The following D2HGDH variants were observed in gnomAD, a reference collection of about 807,000 sequenced individuals.
The protein encoded by D2HGDH is D-2-hydroxyglutarate dehydrogenase.
Under a neutral mutation model 46.9 loss-of-function variants are expected in D2HGDH, and 31 were observed. The observed-to-expected ratio is 0.66, with a 90% CI of 0.50 to 0.89. The LOEUF (loss-of-function observed/expected upper bound fraction) is 0.89. Among genes scored for constraint, D2HGDH ranks in the 40% least tolerant of loss-of-function variants. The pLI, the probability that D2HGDH is intolerant of heterozygous loss-of-function variation, is 0.00. For missense variants in D2HGDH, 698 were observed against 720.8 expected (o/e 0.97, Z 0.36); for synonymous variants, 364 against 332.6 (o/e 1.09, Z -1.03).
chr2:241,756,623 G>A (rs1698211612), intron 9 of D2HGDH, among the ~76,000 whole-genome samples: 1 of 152,210 alleles, frequency 6.6e-6, no homozygotes, highest in Non-Finnish European at 1.5e-5. Context: ...CTGGGTTCAA[G>A]CAATTCTCCT....
At chr2:241,748,062 C>A (rs1260768061) in intron 6 of D2HGDH, among the ~76,000 whole-genome samples, 1 of 152,188 alleles carries the variant, frequency 6.6e-6, no homozygotes, top group African/African-American at 2.4e-5. Flanking sequence ...ACAGCGTTGA[C>A]TTGGTGCTAC....
chr2:241,742,404 A>G lies in D2HGDH; in HGVS notation c.351-31A>G. On this transcript the variant is annotated intron_variant, in intron 3 of 9. Coordinates refer to ENST00000321264, the MANE Select transcript of D2HGDH (RefSeq NM_152783.5). The surrounding 1 kb of genome is among the most constrained non-coding windows in gnomAD (Gnocchi z 4.8). ...GATGGTGGCGTAGGGGTGGGGACAG[A>G]GCCCCAACGTCCCTCCTGTCCTCAT... 6.3e-7 allele frequency: 1 copy of G among 1,584,286 alleles called. No homozygotes were observed. Among genetic ancestry groups the G allele is most frequent in the East Asian group, 2.3e-5 (1 of 43,450 alleles).
rs1371874668 is a variant in D2HGDH at position 241,742,992 on chromosome 2, G to A, written c.490+418G>A. 1.1e-5 allele frequency among the ~76,000 whole-genome samples: 1 copy of A among 90,122 alleles called. No homozygotes were observed. Among genetic ancestry groups the A allele is most frequent in the Non-Finnish European group, 2.0e-5 (1 of 49,636 alleles). 59.1% of individuals were successfully genotyped at this position (90,122 alleles called of 152,430 possible). Reference sequence around the variant, plus strand: ...TCCTGACCCAGGGCGCCAGAGCGTGGCAGGCATGAGGGGATCCTGACCCAG... The same window carrying A: ...TCCTGACCCAGGGCGCCAGAGCGTGACAGGCATGAGGGGATCCTGACCCAG... On this transcript the variant is annotated intron_variant, in intron 4 of 9. Transcript: ENST00000321264. This position sits in a 1 kb window ranked among gnomAD's most constrained non-coding sequence, Gnocchi z 4.8.
At chr2:241,764,514 A>G (rs1699105585) in intron 9 of D2HGDH, among the ~76,000 whole-genome samples, 1 of 152,178 alleles carries the variant, frequency 6.6e-6, no homozygotes, top group African/African-American at 2.4e-5. Flanking sequence ...TCCAGGTGGC[A>G]TCTCGGAGGA....
intron 6 of D2HGDH, chr2:241,748,685 C>G (rs1696508571): frequency 2.3e-6 from 1 of 442,414 alleles, no homozygotes; most frequent in Non-Finnish European, 3.3e-6. Flanking sequence ...CCCACACCGC[C>G]TCCTCCCCGC....
chr2:241,754,124 A>C lies in D2HGDH; in HGVS notation c.1141-1725A>C, dbSNP rs549413650. On this transcript the variant is annotated intron_variant, in intron 8 of 9. Coordinates refer to ENST00000321264, the MANE Select transcript of D2HGDH (RefSeq NM_152783.5). ...TGTGGAGCTGAGTGACTGAGGCGTG[A>C]GCAGACAAGGGTAGAGCCCATCTTG... 1.2e-3 allele frequency among the ~76,000 whole-genome samples: 189 copies of C among 152,336 alleles called. 1 individual carries two copies. The highest frequency in any genetic ancestry group is 4.1e-4 in the Non-Finnish European group (28 of 68,022).
Position 241,750,186 on chromosome 2 carries a change from A to C in D2HGDH, c.889A>C (p.Ser297Arg). The C allele has an allele frequency of 6.2e-7, 1 of 1,614,088 alleles. No homozygotes were observed. Among genetic ancestry groups the C allele is most frequent in the East Asian group, 2.2e-5 (1 of 44,886 alleles). ...PGFAEVLQTF[S>R]TCKGMLGEIL... is the part of the protein sequence containing the mutation. ...CTTTGCTGAGGTTCTGCAGACCTTC[A>C]GCACCTGCAAGGGGATGCTGGGTGA... The change falls in exon 7 of 10, where the codon AGC becomes CGC. Residue 297 changes from serine (S) to arginine (R), a missense_variant. Ser to Arg is a moderately radical substitution (Grantham distance 110). Transcript: ENST00000321264.
intron 9 of D2HGDH, 27 bp downstream of exon 9, chr2:241,756,041 C>T (rs749375897): frequency 6.3e-7 from 1 of 1,583,984 alleles, no homozygotes; most frequent in Non-Finnish European, 8.6e-7. Flanking sequence ...GGCCGCGGCC[C>T]TGTGTGTGCT....
At position 241,750,160 on chromosome 2, in the gene D2HGDH, G is replaced by A; in HGVS notation, c.863G>A (p.Gly288Asp). Residue 288 changes from glycine to aspartate, a missense_variant, in exon 7 of 10, where the codon GGC (glycine) becomes GAC (aspartate). Transcript: ENST00000321264. Reference sequence around the variant, plus strand: ...CTGTGACCCGTTTCAGGCTGCCCAGGCTTTGCTGAGGTTCTGCAGACCTTC... The same window carrying A: ...CTGTGACCCGTTTCAGGCTGCCCAGACTTTGCTGAGGTTCTGCAGACCTTC... ...AVNVAFLGCP[G>D]FAEVLQTFST... The A allele has an allele frequency of 1.2e-6, 2 of 1,614,094 alleles. No homozygotes were observed. Among genetic ancestry groups the A allele is most frequent in the Non-Finnish European group, 1.7e-6 (2 of 1,180,034 alleles).
At position 241,755,699 on chromosome 2, in the gene D2HGDH, A is replaced by T. The variant is rs771611508; in HGVS notation, c.1141-150A>T. 127 of 1,555,370 alleles carry T rather than the reference A, an allele frequency of 8.2e-5. No homozygotes were observed. In the African/African-American group the frequency reaches 1.4e-3, roughly 17 times the overall value. On this transcript the variant is annotated intron_variant, in intron 8 of 9. Coordinates refer to ENST00000321264, the MANE Select transcript of D2HGDH (RefSeq NM_152783.5). ...ATTCGCTGTCTGGGGTTGGAGCCACACCTGGTCTGGGGCATTTGCTGTCCG... is the reference window on the plus strand; with the variant it reads ...ATTCGCTGTCTGGGGTTGGAGCCACTCCTGGTCTGGGGCATTTGCTGTCCG...
At chr2:241,757,672 A>G (rs1698316182) in intron 9 of D2HGDH, among the ~76,000 whole-genome samples, 2 of 152,194 alleles carry the variant, frequency 1.3e-5, no homozygotes, top group African/African-American at 4.8e-5. Flanking sequence ...TAAAAGCAAG[A>G]ATGGGCCAGG....
intron 9 of D2HGDH, among the ~76,000 whole-genome samples, chr2:241,757,079 T>C (rs1169027514): frequency 6.6e-6 from 1 of 152,216 alleles, no homozygotes; most frequent in Non-Finnish European, 1.5e-5. Context: ...CAATAACACG[T>C]ATTACTTACG....
chr2:241,743,753 G>C lies in D2HGDH; in HGVS notation c.622G>C (p.Ala208Pro). The C allele has an allele frequency of 6.2e-7, 1 of 1,612,500 alleles. No individual in the cohort carries two copies. The highest frequency in any genetic ancestry group is 1.3e-5 in the African/African-American group (1 of 75,030). Residue 208 changes from alanine to proline, a missense_variant, in exon 5 of 10, where the codon GCT becomes CCT. Physicochemically the swap from Ala to Pro is conservative, Grantham distance 27 (BLOSUM62 -1). Coordinates refer to ENST00000321264, the MANE Select transcript of D2HGDH (RefSeq NM_152783.5). This position sits in a 1 kb window ranked among gnomAD's most constrained non-coding sequence, Gnocchi z 4.8. ...CATCGGGGGAAACGTGGCAACCAACGCTGGAGGCCTGCGGTTTCTTCGATA... is the reference window on the plus strand; with the variant it reads ...CATCGGGGGAAACGTGGCAACCAACCCTGGAGGCCTGCGGTTTCTTCGATA... ...CHIGGNVATN[A>P]GGLRFLRYGS...
chr2:241,741,102 G>C lies in D2HGDH; in HGVS notation c.350+12G>C, dbSNP rs1199670663. 1.9e-6 allele frequency: 3 copies of C among 1,611,914 alleles called. No homozygotes were observed. The highest frequency in any genetic ancestry group is 2.7e-5 in the African/African-American group (2 of 74,876). ...TCCCACATCCTCAGGTGAGGTGGTG[G>C]CTCCCGGCTCCCCCAGCCTTCCCTG... On this transcript the variant is annotated intron_variant, in intron 3 of 9. Coordinates refer to ENST00000321264, the MANE Select transcript of D2HGDH (RefSeq NM_152783.5).
At chr2:241,760,418 G>C (rs1698672738) in intron 9 of D2HGDH, among the ~76,000 whole-genome samples, 1 of 138,894 alleles carries the variant, frequency 7.2e-6, no homozygotes, top group Admixed American at 7.4e-5. Flanking sequence ...ATCAGTCGAA[G>C]GCTTTTTGCC....
chr2:241,739,498 G>C (rs1693854990), intron 2 of D2HGDH, among the ~76,000 whole-genome samples: 2 of 152,240 alleles, frequency 1.3e-5, no homozygotes, highest in African/African-American at 4.8e-5. Flanking sequence ...GTGGCTTTCT[G>C]ATCAGAAAAG....
At chr2:241,744,015 A>C (rs1158646061) in intron 5 of D2HGDH, among the ~76,000 whole-genome samples, 200 bp downstream of exon 5, 1 of 152,182 alleles carries the variant, frequency 6.6e-6, no homozygotes, top group African/African-American at 2.4e-5. Context: ...TCCTCCCACG[A>C]GAGGGTGATT....
At chr2:241,762,033 C>A (rs553216736) in intron 9 of D2HGDH, among the ~76,000 whole-genome samples, 2 of 149,898 alleles carry the variant, frequency 1.3e-5, no homozygotes, top group East Asian at 3.9e-4. Context: ...ATGGAGGGAA[C>A]AGAGGGAAAT....
At chr2:241,744,682 G>A (rs1695399334) in intron 5 of D2HGDH, 27 bp from the exon 6 acceptor site, 2 of 1,614,026 alleles carry the variant, frequency 1.2e-6, no homozygotes, top group Non-Finnish European at 1.7e-6. Flanking sequence ...CTGGCAGGTG[G>A]GTGAACGTGC....
Sources: gnomAD v4.1 joint callset for allele counts (sites outside exome capture counted in the v4.1 genomes callset) on GRCh38, gnomAD v4.1.1 for gene constraint, Gnocchi (gnomAD v3.1) non-coding constraint, MANE v1.5 for transcripts, NCBI Gene and HGNC (gene_info 2026-07-23, HGNC 2026-07-21) for gene names.